Variants in TAPT1 observed in about 807,000 individuals in gnomAD.
The protein encoded by TAPT1 is transmembrane anterior posterior transformation protein 1 homolog.
TAPT1 carries 28 observed loss-of-function variants against 65.6 expected under a neutral mutation model. The ratio of observed to expected loss-of-function variants is 0.43; its 90% CI spans 0.32 to 0.59. TAPT1 has a LOEUF of 0.59. Among genes scored for constraint, TAPT1 ranks in the 20% least tolerant of loss-of-function variants. The pLI, the probability that TAPT1 is intolerant of heterozygous loss-of-function variation, is 0.09. For synonymous variants in TAPT1, 278 were observed against 245.2 expected, an observed-to-expected ratio of 1.13 and a Z score of -1.25; for missense variants, 563 against 679.9, an observed-to-expected ratio of 0.83 and a Z score of 1.91.
At chr4:16,181,662 G>C (rs1011852449) in intron 7 of TAPT1, among the ~76,000 whole-genome samples, 1 of 152,092 alleles carries the variant, frequency 6.6e-6, no homozygotes, top group African/African-American at 2.4e-5. Context: ...CCACCTCCCG[G>C]GTTCAAGCAA....
intron 1 of TAPT1, among the ~76,000 whole-genome samples, chr4:16,216,502 G>A (rs1750949652): frequency 6.6e-6 from 1 of 152,062 alleles, no homozygotes; most frequent in Non-Finnish European, 1.5e-5. Flanking sequence ...ACATCCCATA[G>A]ACACGGAAAT....
intron 3 of TAPT1, among the ~76,000 whole-genome samples, chr4:16,196,167 T>A (rs2149697662): frequency 6.6e-6 from 1 of 152,346 alleles, no homozygotes; most frequent in South Asian, 2.1e-4. Flanking sequence ...TTTCCTGAAT[T>A]AGAAAATTAA....
intron 7 of TAPT1, 147 bp from the exon 8 acceptor site, chr4:16,179,804 G>GTGTGTATATATATATATATATA (rs1234531451): frequency 3.6e-5 from 4 of 111,878 alleles, no homozygotes; most frequent in African/African-American, 4.0e-5. Context: ...ATATATATAT[G>GTGTGTATATATATATATATATA]TGTGTGTGTG....
intron 1 of TAPT1, among the ~76,000 whole-genome samples, chr4:16,217,853 T>C (rs1005847741): frequency 1.3e-5 from 2 of 152,196 alleles, no homozygotes; most frequent in Non-Finnish European, 2.9e-5. Flanking sequence ...GAGCCTCTAC[T>C]CTGTATGTGT....
At chr4:16,176,092 C>T (rs748545178) in intron 9 of TAPT1, 27 bp downstream of exon 9, 14 of 1,125,410 alleles carry the variant, frequency 1.2e-5, no homozygotes, top group South Asian at 4.5e-5. Flanking sequence ...AAACTTTAAA[C>T]ATTGAAGTGC....
At position 16,161,151 on chromosome 4, in the gene TAPT1, T is replaced by C. The variant is rs1747222461; in HGVS notation, c.*2157A>G. 1.3e-5 allele frequency: 2 copies of C among 152,610 alleles called. No individual in the cohort carries two copies. The highest frequency in any genetic ancestry group is 1.9e-4 in the East Asian group (1 of 5,198). 9.5% of individuals were successfully genotyped at this position (152,610 alleles called of 1,614,324 possible). On this transcript the variant is annotated 3_prime_UTR_variant, in exon 14 of 14. Transcript: ENST00000405303. ...TTTTTTCCAAAGACAAAATTAAACA[T>C]TTTGCCACCATTAAGACCAAAGCAA...
Position 16,176,196 on chromosome 4 carries a change from T to C in TAPT1, c.1030A>G (p.Met344Val), listed in dbSNP as rs1279433074. 7.6e-6 allele frequency: 12 copies of C among 1,572,198 alleles called. No individual in the cohort carries two copies. The highest frequency in any genetic ancestry group is 2.3e-5 in the East Asian group (1 of 43,766). Residue 344 changes from methionine (M) to valine (V), a missense_variant, in exon 9 of 14, where the codon ATG (methionine) becomes GTG (valine). By Grantham distance (21) the Met-to-Val change is conservative. Transcript: ENST00000405303. The stretch of plus-strand genomic sequence containing the variant: ...ACGGCAATTTCTGATGCAATTACCA[T>C]ACAGACATCTGGAAACAACACCCAG... ...HLWVLFPDVCMVIASEIAVDI... is the reference protein window; with the variant it reads ...HLWVLFPDVCVVIASEIAVDI...
intron 1 of TAPT1, chr4:16,214,602 T>C (rs1166306622): frequency 6.6e-6 from 1 of 152,220 alleles, no homozygotes; most frequent in East Asian, 1.9e-4. Flanking sequence ...GTTATTTATA[T>C]ACTTTCCACT....
intron 11 of TAPT1, among the ~76,000 whole-genome samples, chr4:16,171,339 C>T (rs1018000205): frequency 2.6e-5 from 4 of 152,266 alleles, no homozygotes; most frequent in Middle Eastern, 3.4e-3. Flanking sequence ...GTTAACTATC[C>T]ATTTTCTTAC....
chr4:16,172,830 GT>G (rs768309557), intron 11 of TAPT1, among the ~76,000 whole-genome samples: 24 of 145,692 alleles, frequency 1.6e-4, no homozygotes, highest in Admixed American at 2.7e-4. Flanking sequence ...TGTTTTTGTT[GT>G]TTTTTTTTTT....
intron 4 of TAPT1, among the ~76,000 whole-genome samples, chr4:16,189,838 G>C (rs1226375361): frequency 2.0e-5 from 3 of 152,140 alleles, no homozygotes; most frequent in Admixed American, 6.5e-5. Context: ...TGTAAGTCAG[G>C]GGACAGGGAG....
chr4:16,170,272 T>C (rs563900823), intron 12 of TAPT1, among the ~76,000 whole-genome samples: 191 of 152,362 alleles, frequency 1.3e-3, no homozygotes, highest in African/African-American at 4.4e-3. Context: ...GTTTACGTGA[T>C]GCCTGCCTAC....
chr4:16,225,090 G>C (rs1578495275), intron 1 of TAPT1, among the ~76,000 whole-genome samples: 2 of 152,200 alleles, frequency 1.3e-5, no homozygotes, highest in African/African-American at 4.8e-5. Flanking sequence ...ATGTTTAACT[G>C]AGAACTAAAC....
chr4:16,196,426 C>T (rs186057637), intron 3 of TAPT1, among the ~76,000 whole-genome samples: 1 of 152,308 alleles, frequency 6.6e-6, no homozygotes, highest in African/African-American at 2.4e-5. Context: ...GTAAAGATGA[C>T]TTTTGAGCGG....
intron 13 of TAPT1, 57 bp downstream of exon 13, chr4:16,166,576 C>T: frequency 1.3e-6 from 2 of 1,584,492 alleles, no homozygotes; most frequent in Non-Finnish European, 8.7e-7. Flanking sequence ...ATTGATCAAA[C>T]TGTGATTTAA....
chr4:16,222,975 G>A (rs1404871796), intron 1 of TAPT1, among the ~76,000 whole-genome samples: 1 of 152,142 alleles, frequency 6.6e-6, no homozygotes, highest in East Asian at 1.9e-4. Context: ...TCCAACACCT[G>A]CATTACACAG....
intron 8 of TAPT1, 25 bp downstream of exon 8, chr4:16,179,552 C>T (rs1349165032): frequency 2.2e-6 from 3 of 1,379,576 alleles, no homozygotes; most frequent in Non-Finnish European, 2.9e-6. Flanking sequence ...AATTATAAGA[C>T]ACTGTTTTGT....
chr4:16,166,996 T>G, intron 12 of TAPT1: 1 of 398,556 alleles, frequency 2.5e-6, no homozygotes, highest in Non-Finnish European at 4.5e-6. Context: ...GTTCTCTTTT[T>G]TTTTTTTTTT....
intron 7 of TAPT1, among the ~76,000 whole-genome samples, chr4:16,180,306 C>T (rs938244403): frequency 2.0e-5 from 3 of 152,150 alleles, no homozygotes. Flanking sequence ...GGCCAGTGTA[C>T]ACATTTCACT....
Sources: allele counts gnomAD v4.1 joint callset (sites outside exome capture counted in the v4.1 genomes callset), GRCh38; gene constraint gnomAD v4.1.1; transcripts MANE v1.5; gene names NCBI Gene and HGNC (gene_info 2026-07-23, HGNC 2026-07-21).